DLGAP2: variants seen among roughly 807,000 people sequenced by gnomAD.
DLGAP2 encodes the protein disks large-associated protein 2.
DLGAP2 carries 26 observed loss-of-function variants against 100.3 expected under a neutral mutation model. The observed-to-expected ratio is 0.26, with a 90% CI of 0.19 to 0.36. DLGAP2 has a LOEUF of 0.36. Ranked by LOEUF, DLGAP2 falls within the 10% of genes least tolerant of loss-of-function variation. The probability of loss-of-function intolerance (pLI) is 1.00; values close to 1 mark genes in which losing one functional copy is unlikely to be tolerated. For missense variants in DLGAP2, 1,858 were observed against 1,453.2 expected (o/e 1.28, Z -4.53); for synonymous variants, 886 against 630.1 (o/e 1.41, Z -6.08).
intron 3 of DLGAP2, among the ~76,000 whole-genome samples, chr8:1,311,136 C>G (rs1412469421): frequency 1.3e-5 from 2 of 151,712 alleles, no homozygotes; most frequent in Non-Finnish European, 2.9e-5. Context: ...GGATTTAAGA[C>G]AATACTATGA....
chr8:1,479,927 A>G (rs779190539), intron 3 of DLGAP2, among the ~76,000 whole-genome samples: 36 of 152,202 alleles, frequency 2.4e-4, no homozygotes, highest in Non-Finnish European at 5.0e-4. Flanking sequence ...CTGCGTATGT[A>G]AATTGGGTAG....
rs13279553 is a variant in DLGAP2 at position 1,033,951 on chromosome 8, G to C, written c.73+125985G>C. 6.6e-4 allele frequency among the ~76,000 whole-genome samples: 22 copies of C among 33,570 alleles called. 1 individual carries two copies. Among genetic ancestry groups the C allele is most frequent in the East Asian group, 1.5e-3 (2 of 1,312 alleles). 22.0% of individuals were successfully genotyped at this position (33,570 alleles called of 152,430 possible). A position where few individuals can be genotyped will look rare whatever the true frequency, so the allele number is the denominator to read the frequency against. The stretch of plus-strand genomic sequence containing the variant: ...TGTGTCACCGCGAGTGGACTCACAC[G>C]CTCATCCCGACCCCGCGTGTCACCG... On this transcript the variant is annotated intron_variant, in intron 2 of 14. Transcript: ENST00000637795.
At chr8:1,267,615 A>ATAAAAT (rs1799489980) in intron 3 of DLGAP2, among the ~76,000 whole-genome samples, 1 of 121,186 alleles carries the variant, frequency 8.3e-6, no homozygotes, top group African/African-American at 3.8e-5. Context: ...AGATAAGATA[A>ATAAAAT]GATAAGATAA....
At chr8:1,169,474 A>C (rs7816321) in intron 2 of DLGAP2, among the ~76,000 whole-genome samples, 1 of 151,902 alleles carries the variant, frequency 6.6e-6, no homozygotes, top group Non-Finnish European at 1.5e-5. Context: ...ACCCTGGGCA[A>C]TATGGCCATT....
chr8:1,148,216 C>T (rs1796639137), intron 2 of DLGAP2, among the ~76,000 whole-genome samples: 2 of 152,060 alleles, frequency 1.3e-5, no homozygotes, highest in African/African-American at 4.8e-5. Flanking sequence ...GGAACTTTTC[C>T]ATTTCAGTTG....
At chr8:1,166,631 C>T (rs74580565) in intron 2 of DLGAP2, among the ~76,000 whole-genome samples, 2,775 of 152,236 alleles carry the variant, frequency 0.018, 51 homozygotes, top group Non-Finnish European at 0.028. Flanking sequence ...TACGGAGTCT[C>T]CTGTCAATGC....
chr8:1,490,052 C>T (rs1275243510), intron 3 of DLGAP2, among the ~76,000 whole-genome samples: 3 of 150,496 alleles, frequency 2.0e-5, no homozygotes, highest in East Asian at 1.9e-4. Flanking sequence ...CCACCGCACC[C>T]GGCTATTTTT....
intron 2 of DLGAP2, among the ~76,000 whole-genome samples, chr8:982,997 A>G (rs950726044): frequency 6.8e-6 from 1 of 146,848 alleles, no homozygotes; most frequent in Non-Finnish European, 1.5e-5. Context: ...TCCTATTTCT[A>G]TATAGAGCCT....
chr8:986,266 A>G (rs1800484364), intron 2 of DLGAP2, among the ~76,000 whole-genome samples: 1 of 152,178 alleles, frequency 6.6e-6, no homozygotes. Flanking sequence ...GTTGAGCTGC[A>G]TGGCTTCTGT....
chr8:1,373,359 C>G (rs1399235167), intron 3 of DLGAP2, among the ~76,000 whole-genome samples: 1 of 151,950 alleles, frequency 6.6e-6, no homozygotes. Flanking sequence ...GGACCGTGGC[C>G]GCAGGTTGGG....
chr8:1,558,566 A>G (rs1029481504), intron 5 of DLGAP2, among the ~76,000 whole-genome samples: 1 of 151,894 alleles, frequency 6.6e-6, no homozygotes, highest in Non-Finnish European at 1.5e-5. Context: ...CATTACACAT[A>G]CACACACATA....
chr8:1,266,344 C>T (rs1409247873), intron 3 of DLGAP2, among the ~76,000 whole-genome samples: 1 of 152,192 alleles, frequency 6.6e-6, no homozygotes, highest in African/African-American at 2.4e-5. Flanking sequence ...CAGATGAGCG[C>T]AGATTCACCT....
chr8:823,020 G>C (rs944438343), intron 1 of DLGAP2, among the ~76,000 whole-genome samples: 1 of 151,934 alleles, frequency 6.6e-6, no homozygotes, highest in Non-Finnish European at 1.5e-5. Context: ...TCTTATTCCA[G>C]AGGTGCTTTG....
In DLGAP2 at chr8:1,522,420, G is replaced by A. The variant is rs552101041; in HGVS notation, c.172+20989G>A. On this transcript the variant is annotated intron_variant, in intron 4 of 14. Transcript: ENST00000637795. ...GGGCATCACACCCACAGGGGCCTGG[G>A]GGACCTCCTTTTGCTCAGAGCACGG... is the stretch of plus-strand genomic sequence containing the variant. Among the ~76,000 whole-genome samples, 4 of 152,328 alleles carry A rather than the reference G, an allele frequency of 2.6e-5. No individual in the cohort carries two copies. In the South Asian group the frequency reaches 8.3e-4, roughly 32 times the overall value.
chr8:798,459 C>T (rs879728605), intron 1 of DLGAP2, among the ~76,000 whole-genome samples: 29 of 119,976 alleles, frequency 2.4e-4, no homozygotes, highest in African/African-American at 3.5e-4. Context: ...CGTGCCCCGG[C>T]GCTGACCAGG....
Position 1,216,415 on chromosome 8 carries a change from C to A in DLGAP2, c.74-42436C>A, listed in dbSNP as rs560987518. Among the ~76,000 whole-genome samples the A allele has an allele frequency of 1.2e-3, 176 of 152,206 alleles. 1 individual carries two copies. The highest frequency in any genetic ancestry group is 1.4e-3 in the Non-Finnish European group (96 of 68,008). On this transcript the variant is annotated intron_variant, in intron 2 of 14. Transcript: ENST00000637795. Reference sequence around the variant, plus strand: ...CCAGGCTGGAGTGCAGTGGCTCAATCTTGGCTCACTCTAGCCTTGAACTCC... The same window carrying A: ...CCAGGCTGGAGTGCAGTGGCTCAATATTGGCTCACTCTAGCCTTGAACTCC...
chr8:1,487,922 G>C (rs1218358828), intron 3 of DLGAP2, among the ~76,000 whole-genome samples: 2 of 152,204 alleles, frequency 1.3e-5, no homozygotes, highest in Admixed American at 6.5e-5. Context: ...CACGTCCTCA[G>C]ATTATCCCTC....
chr8:1,387,981 G>A (rs1796257367), intron 3 of DLGAP2, among the ~76,000 whole-genome samples: 1 of 152,234 alleles, frequency 6.6e-6, no homozygotes, highest in South Asian at 2.1e-4. Flanking sequence ...CCCAGCGCGT[G>A]AGCAAACACG....
At chr8:1,118,956 G>A (rs947659476) in intron 2 of DLGAP2, among the ~76,000 whole-genome samples, 9 of 152,194 alleles carry the variant, frequency 5.9e-5, no homozygotes, top group Non-Finnish European at 7.3e-5. Flanking sequence ...ATAATTTATC[G>A]TTTGATGTTC....
Sources: allele counts gnomAD v4.1 joint callset (sites outside exome capture counted in the v4.1 genomes callset), GRCh38; gene constraint gnomAD v4.1.1; transcripts MANE v1.5; gene names NCBI Gene and HGNC (gene_info 2026-07-23, HGNC 2026-07-21).